CNTNAP5: variants seen among roughly 807,000 people sequenced by gnomAD.
The protein encoded by CNTNAP5 is contactin associated protein family member 5.
CNTNAP5 carries 72 observed loss-of-function variants against 150.2 expected under a neutral mutation model. The ratio of observed to expected loss-of-function variants is 0.48; its 90% CI spans 0.40 to 0.58. The LOEUF is 0.58. CNTNAP5 is among the 20% of genes least tolerant of loss of function. CNTNAP5 has a pLI of 0.00. For missense variants in CNTNAP5, 1,636 were observed against 1,626.2 expected, an observed-to-expected ratio of 1.01 and a Z score of -0.10; for synonymous variants, 672 against 619.8, an observed-to-expected ratio of 1.08 and a Z score of -1.25.
intron 3 of CNTNAP5, among the ~76,000 whole-genome samples, chr2:124,403,979 G>A (rs552617608): frequency 7.2e-4 from 109 of 152,256 alleles, no homozygotes; most frequent in Middle Eastern, 3.4e-3. Context: ...ACCCACCCCC[G>A]TGATTCAATC....
chr2:124,448,269 A>AAATAATGAT (rs1553469131), intron 6 of CNTNAP5, among the ~76,000 whole-genome samples: 5 of 144,278 alleles, frequency 3.5e-5, no homozygotes, highest in African/African-American at 7.6e-5. Flanking sequence ...CTCCGTCTTA[A>AAATAATGAT]AATAATAATA....
At chr2:124,311,348 CA>C (rs1688825521) in intron 3 of CNTNAP5, among the ~76,000 whole-genome samples, 1 of 152,130 alleles carries the variant, frequency 6.6e-6, no homozygotes, top group South Asian at 2.1e-4. Flanking sequence ...TTCTAGCTTG[CA>C]GACGGCCGCC....
chr2:124,598,232 G>A (rs2104969090), intron 11 of CNTNAP5, among the ~76,000 whole-genome samples: 1 of 136,954 alleles, frequency 7.3e-6, no homozygotes, highest in African/African-American at 2.7e-5. Flanking sequence ...GCATTTTAGA[G>A]TTTCCAGTTT....
intron 1 of CNTNAP5, among the ~76,000 whole-genome samples, chr2:124,065,619 G>A (rs1350042029): frequency 6.6e-6 from 1 of 152,106 alleles, no homozygotes; most frequent in Non-Finnish European, 1.5e-5. Context: ...TGTATGCAGA[G>A]CAGCAGCTAT....
chr2:124,582,647 C>T (rs1390759837), intron 11 of CNTNAP5, among the ~76,000 whole-genome samples: 2 of 151,968 alleles, frequency 1.3e-5, no homozygotes, highest in African/African-American at 2.4e-5. Context: ...TGAGCTGGGG[C>T]AGACCAAGTT....
chr2:124,501,479 A>G (rs781006373), intron 7 of CNTNAP5, among the ~76,000 whole-genome samples: 2 of 152,182 alleles, frequency 1.3e-5, no homozygotes, highest in Non-Finnish European at 2.9e-5. Context: ...ACCATTTGCC[A>G]TGTCTCCTTT....
chr2:124,069,430 G>A (rs1028388581), intron 1 of CNTNAP5, among the ~76,000 whole-genome samples: 1 of 152,156 alleles, frequency 6.6e-6, no homozygotes, highest in Non-Finnish European at 1.5e-5. Context: ...ACCCTGAATG[G>A]AAAGGCACAA....
At chr2:124,170,121 A>G (rs1036839517) in intron 1 of CNTNAP5, among the ~76,000 whole-genome samples, 1 of 152,194 alleles carries the variant, frequency 6.6e-6, no homozygotes, top group East Asian at 1.9e-4. Flanking sequence ...AATCATCTAC[A>G]ACAGGACCAC....
intron 19 of CNTNAP5, among the ~76,000 whole-genome samples, chr2:124,847,043 T>C (rs1683062889): frequency 6.6e-6 from 1 of 152,194 alleles, no homozygotes. Context: ...GGTTGCATGT[T>C]GGTTGGCCTC....
At chr2:124,249,817 C>G (rs1687129009) in intron 3 of CNTNAP5, among the ~76,000 whole-genome samples, 1 of 152,118 alleles carries the variant, frequency 6.6e-6, no homozygotes, top group African/African-American at 2.4e-5. Flanking sequence ...GAGTTAATAT[C>G]TCAACTTTAA....
intron 21 of CNTNAP5, among the ~76,000 whole-genome samples, chr2:124,893,829 G>T (rs1200979640): frequency 6.6e-6 from 1 of 151,900 alleles, no homozygotes; most frequent in African/African-American, 2.4e-5. Flanking sequence ...TTCAACTTAG[G>T]CTCTCTGGAT....
chr2:124,672,508 C>T (rs1678845657), intron 13 of CNTNAP5, among the ~76,000 whole-genome samples: 2 of 152,118 alleles, frequency 1.3e-5, no homozygotes, highest in African/African-American at 4.8e-5. Context: ...TGGCTTCTAC[C>T]TTGACAGCAT....
chr2:124,314,174 C>G (rs1176361379), intron 3 of CNTNAP5, among the ~76,000 whole-genome samples: 1 of 152,102 alleles, frequency 6.6e-6, no homozygotes, highest in African/African-American at 2.4e-5. Context: ...GACGTGCCGG[C>G]CTAGAGCTGG....
intron 3 of CNTNAP5, among the ~76,000 whole-genome samples, chr2:124,362,184 A>C (rs1200566524): frequency 3.3e-5 from 5 of 152,326 alleles, no homozygotes; most frequent in South Asian, 2.1e-4. Flanking sequence ...ATGGTGCGCG[A>C]ACCCGCTGAC....
intron 21 of CNTNAP5, 130 bp downstream of exon 21, chr2:124,869,892 A>AGATTTC: frequency 2.1e-6 from 1 of 487,512 alleles, no homozygotes; most frequent in East Asian, 3.1e-5. Context: ...TCTGAAACCA[A>AGATTTC]GATTTCTTAT....
intron 1 of CNTNAP5, among the ~76,000 whole-genome samples, chr2:124,085,515 T>G (rs1682667002): frequency 6.6e-6 from 1 of 152,216 alleles, no homozygotes. Flanking sequence ...CCTTTGTTAT[T>G]TTTTAATTTC....
intron 1 of CNTNAP5, among the ~76,000 whole-genome samples, chr2:124,150,641 T>A (rs1684383311): frequency 6.6e-6 from 1 of 151,412 alleles, no homozygotes. Context: ...CCTCACATGG[T>A]GGGGAGAGAG....
chr2:124,211,890 A>G (rs932403404), intron 1 of CNTNAP5, among the ~76,000 whole-genome samples: 2 of 152,224 alleles, frequency 1.3e-5, no homozygotes, highest in Non-Finnish European at 2.9e-5. Context: ...ACACTTTAAG[A>G]TCATGGTTTC....
intron 13 of CNTNAP5, among the ~76,000 whole-genome samples, chr2:124,684,692 A>T (rs749766437): frequency 2.0e-5 from 3 of 152,156 alleles, no homozygotes; most frequent in Non-Finnish European, 4.4e-5. Flanking sequence ...AAGCGAGAAA[A>T]ATCTATGCAA....
Sources: allele counts gnomAD v4.1 joint callset (sites outside exome capture counted in the v4.1 genomes callset), GRCh38; gene constraint gnomAD v4.1.1; transcripts MANE v1.5; gene names NCBI Gene and HGNC (gene_info 2026-07-23, HGNC 2026-07-21).